The following TRAPPC9 variants were observed in gnomAD, a reference collection of about 807,000 sequenced individuals.
The protein encoded by TRAPPC9 is trafficking protein particle complex subunit 9, also known as IKK2 binding protein.
TRAPPC9 carries 83 observed loss-of-function variants against 124.0 expected under a neutral mutation model. The observed-to-expected ratio is 0.67, with a 90% CI of 0.56 to 0.80. The LOEUF is 0.80. Among genes scored for constraint, TRAPPC9 ranks in the 30% least tolerant of loss-of-function variants. The pLI is 0.00. For missense variants in TRAPPC9, 1,302 were observed against 1,508.3 expected, an observed-to-expected ratio of 0.86 and a Z score of 2.27; for synonymous variants, 638 against 617.5, an observed-to-expected ratio of 1.03 and a Z score of -0.49.
chr8:139,855,035 C>T (rs761457660), intron 21 of TRAPPC9, among the ~76,000 whole-genome samples: 2 of 152,158 alleles, frequency 1.3e-5, no homozygotes, highest in East Asian at 1.9e-4. Flanking sequence ...GAGGCAGATG[C>T]GTCAATGATT....
At chr8:140,284,223 G>A (rs1002142003) in intron 13 of TRAPPC9, among the ~76,000 whole-genome samples, 2 of 152,178 alleles carry the variant, frequency 1.3e-5, no homozygotes, top group Non-Finnish European at 2.9e-5. Flanking sequence ...GAGGATAACA[G>A]CATCTGCATT....
Position 140,450,888 on chromosome 8 carries a change from C to G in TRAPPC9, c.486G>C (p.Lys162Asn), listed in dbSNP as rs147198840. The G allele has an allele frequency of 9.9e-6, 16 of 1,613,960 alleles. No homozygotes were observed. Among genetic ancestry groups the G allele is most frequent in the African/African-American group, 5.3e-5 (4 of 74,910 alleles). The stretch of plus-strand genomic sequence containing the variant: ...ACTTGTCTGTGGCTCTGTCCAGACG[C>G]TTGGACTCCAGCACGATGAACAGTG... ...IESLFIVLES[K>N]RLDRATDKSG... Residue 162 changes from lysine (K) to asparagine (N), a missense_variant, in exon 2 of 23, where the codon AAG becomes AAC. Around this residue, in one of 3 missense-constraint regions of TRAPPC9, gnomAD observed 657 missense variants for 811.2 expected, o/e 0.81. Coordinates refer to ENST00000438773, the MANE Select transcript of TRAPPC9 (RefSeq NM_001160372.4).
At chr8:139,929,331 C>T (rs1238786625) in intron 19 of TRAPPC9, among the ~76,000 whole-genome samples, 1 of 152,094 alleles carries the variant, frequency 6.6e-6, no homozygotes, top group African/African-American at 2.4e-5. Flanking sequence ...CTTGGGGTCA[C>T]CAGGATAACA....
At chr8:140,217,371 T>C (rs1257339845) in intron 17 of TRAPPC9, among the ~76,000 whole-genome samples, 2 of 151,736 alleles carry the variant, frequency 1.3e-5, no homozygotes, top group African/African-American at 4.8e-5. Flanking sequence ...CAGCACAGGG[T>C]TGAAAGTAAA....
chr8:139,768,925 G>C (rs1196898818), intron 21 of TRAPPC9, among the ~76,000 whole-genome samples: 1 of 152,164 alleles, frequency 6.6e-6, no homozygotes, highest in East Asian at 1.9e-4. Context: ...CATTATAAGA[G>C]GAGATTAAAA....
intron 17 of TRAPPC9, among the ~76,000 whole-genome samples, chr8:140,203,046 A>G (rs10103563): frequency 0.016 from 2,505 of 152,346 alleles, 74 homozygotes; most frequent in African/African-American, 0.057. Flanking sequence ...GCAAAATGCA[A>G]TGCAATGAGT....
At chr8:139,737,405 G>A (rs1480767340) in intron 21 of TRAPPC9, among the ~76,000 whole-genome samples, 1 of 131,458 alleles carries the variant, frequency 7.6e-6, no homozygotes, top group Non-Finnish European at 1.6e-5. Flanking sequence ...CCCTCCCTCG[G>A]CCGCTCCTCA....
chr8:139,741,062 G>T (rs1217358817), intron 21 of TRAPPC9, among the ~76,000 whole-genome samples: 1 of 152,156 alleles, frequency 6.6e-6, no homozygotes, highest in African/African-American at 2.4e-5. Flanking sequence ...TGGAGGATGT[G>T]GGGGAAGAGG....
At chr8:139,919,861 G>A (rs10097265) in intron 19 of TRAPPC9, among the ~76,000 whole-genome samples, 41,301 of 152,048 alleles carry the variant, frequency 0.27, 5,788 homozygotes, top group South Asian at 0.35. Flanking sequence ...CATGCTCCCT[G>A]GTTTTACCCT....
intron 17 of TRAPPC9, among the ~76,000 whole-genome samples, chr8:140,220,366 G>T (rs1450646731): frequency 6.6e-6 from 1 of 152,140 alleles, no homozygotes; most frequent in Non-Finnish European, 1.5e-5. Flanking sequence ...TGCTGCCTCT[G>T]CTGGGAAGCT....
At chr8:140,378,155 A>G (rs1200807673) in intron 7 of TRAPPC9, among the ~76,000 whole-genome samples, 2 of 152,164 alleles carry the variant, frequency 1.3e-5, no homozygotes, top group East Asian at 3.8e-4. Flanking sequence ...TCACTCTTAT[A>G]CCAGGACAAC....
chr8:139,858,435 G>A (rs1827932729), intron 21 of TRAPPC9, among the ~76,000 whole-genome samples: 1 of 152,226 alleles, frequency 6.6e-6, no homozygotes, highest in Non-Finnish European at 1.5e-5. Flanking sequence ...GGCTCAGGGT[G>A]GGACTCCAGC....
chr8:140,172,514 G>C (rs1432869011), intron 17 of TRAPPC9, among the ~76,000 whole-genome samples: 2 of 150,152 alleles, frequency 1.3e-5, no homozygotes, highest in Non-Finnish European at 3.0e-5. Context: ...GACAATGGAG[G>C]GGGAGTTAAA....
intron 9 of TRAPPC9, among the ~76,000 whole-genome samples, chr8:140,332,563 A>G (rs935372225): frequency 4.6e-5 from 7 of 152,338 alleles, no homozygotes; most frequent in Admixed American, 2.6e-4. Context: ...CGTGTATCAA[A>G]ACATTACACA....
intron 17 of TRAPPC9, among the ~76,000 whole-genome samples, chr8:140,151,597 C>T (rs906387915): frequency 2.6e-5 from 4 of 152,162 alleles, no homozygotes; most frequent in Non-Finnish European, 4.4e-5. Flanking sequence ...TGGACTAGGG[C>T]CCACCCTAGT....
At chr8:140,094,420 C>T (rs181373746) in intron 17 of TRAPPC9, among the ~76,000 whole-genome samples, 350 of 152,318 alleles carry the variant, frequency 2.3e-3, no homozygotes, top group African/African-American at 7.9e-3. Context: ...TCATTCCATA[C>T]CTCAAACTCA....
chr8:139,755,322 C>A (rs372948050), intron 21 of TRAPPC9, among the ~76,000 whole-genome samples: 1 of 148,908 alleles, frequency 6.7e-6, no homozygotes, highest in Non-Finnish European at 1.5e-5. Context: ...GACAGCAGGT[C>A]GCAGGAAGAG....
intron 20 of TRAPPC9, among the ~76,000 whole-genome samples, chr8:139,897,974 C>T (rs935133662): frequency 6.6e-6 from 1 of 152,252 alleles, no homozygotes; most frequent in Non-Finnish European, 1.5e-5. Flanking sequence ...CCTGTGAGGT[C>T]ACACATGAAG....
intron 8 of TRAPPC9, 130 bp downstream of exon 8, chr8:140,370,834 G>T: frequency 2.0e-6 from 2 of 994,262 alleles, no homozygotes; most frequent in Non-Finnish European, 3.1e-6. Flanking sequence ...CCAACTCCAG[G>T]GCAGGGATCT....
Sources: allele counts gnomAD v4.1 joint callset (sites outside exome capture counted in the v4.1 genomes callset), GRCh38; gene constraint gnomAD v4.1.1; regional missense constraint gnomAD v4.1.1; transcripts MANE v1.5; gene names NCBI Gene and HGNC (gene_info 2026-07-23, HGNC 2026-07-21).